The following MAD1L1 variants were observed in gnomAD, a reference collection of about 807,000 sequenced individuals.
MAD1L1 encodes mitotic spindle assembly checkpoint protein MAD1.
MAD1L1 carries 95 observed loss-of-function variants against 96.9 expected under a neutral mutation model. The ratio of observed to expected loss-of-function variants is 0.98; its 90% CI spans 0.83 to 1.16. The LOEUF is 1.16. MAD1L1 is among the 50% of genes most tolerant of loss of function. The pLI, the probability that MAD1L1 is intolerant of heterozygous loss-of-function variation, is 0.00. For missense variants in MAD1L1, 1,007 were observed against 954.4 expected (o/e 1.06, Z -0.73); for synonymous variants, 473 against 396.6 (o/e 1.19, Z -2.29).
chr7:1,879,938 G>T (rs1785593339), intron 18 of MAD1L1, among the ~76,000 whole-genome samples: 1 of 152,130 alleles, frequency 6.6e-6, no homozygotes, highest in Non-Finnish European at 1.5e-5. Context: ...CACTCTGTTA[G>T]CCAGGATGGT....
At chr7:1,875,904 G>C (rs1159744478) in intron 18 of MAD1L1, among the ~76,000 whole-genome samples, 1 of 152,212 alleles carries the variant, frequency 6.6e-6, no homozygotes, top group Non-Finnish European at 1.5e-5. Flanking sequence ...TCCAGCAGGG[G>C]CACCAGAGCT....
intron 18 of MAD1L1, among the ~76,000 whole-genome samples, chr7:1,824,707 C>G (rs1255630614): frequency 6.6e-6 from 1 of 152,198 alleles, no homozygotes; most frequent in African/African-American, 2.4e-5. Context: ...CCCTGTGAAC[C>G]TCGCTTGTAG....
intron 10 of MAD1L1, among the ~76,000 whole-genome samples, chr7:2,188,391 T>A (rs959833538): frequency 1.3e-5 from 2 of 152,184 alleles, no homozygotes; most frequent in African/African-American, 4.8e-5. Context: ...GCCAAAGCAA[T>A]CTTGAAAAGT....
At chr7:1,962,094 T>C (rs778820897) in intron 15 of MAD1L1, among the ~76,000 whole-genome samples, 2 of 152,222 alleles carry the variant, frequency 1.3e-5, no homozygotes, top group Middle Eastern at 6.8e-3. Context: ...TGGGAGATAA[T>C]GAATCATAGG....
chr7:2,039,458 A>C (rs952345511), intron 12 of MAD1L1, among the ~76,000 whole-genome samples: 3 of 152,146 alleles, frequency 2.0e-5, no homozygotes, highest in Non-Finnish European at 4.4e-5. Flanking sequence ...GGGTGGCTGC[A>C]CCCTGTCACT....
At chr7:1,945,527 G>A (rs567445217) in intron 16 of MAD1L1, among the ~76,000 whole-genome samples, 12 of 152,328 alleles carry the variant, frequency 7.9e-5, no homozygotes, top group African/African-American at 2.4e-4. Flanking sequence ...GGTCACAGCC[G>A]CAACCCAGGA....
At chr7:2,029,228 C>T (rs533502750) in intron 12 of MAD1L1, among the ~76,000 whole-genome samples, 11 of 152,292 alleles carry the variant, frequency 7.2e-5, no homozygotes, top group East Asian at 1.9e-4. Context: ...GAAATTCAAA[C>T]GCCCATTCAC....
At chr7:1,817,133 G>C (rs969620173) in intron 18 of MAD1L1, 1 of 152,220 alleles carries the variant, frequency 6.6e-6, no homozygotes, top group African/African-American at 2.4e-5. Flanking sequence ...AACGTGAACC[G>C]CAACTGAGCG....
At chr7:2,180,397 T>C (rs1004765719) in intron 10 of MAD1L1, among the ~76,000 whole-genome samples, 1 of 152,246 alleles carries the variant, frequency 6.6e-6, no homozygotes, top group Non-Finnish European at 1.5e-5. Context: ...ATTCTGAGAC[T>C]GGCCTTTGCT....
chr7:1,908,981 T>C (rs1433262705), intron 17 of MAD1L1, among the ~76,000 whole-genome samples: 4 of 152,196 alleles, frequency 2.6e-5, no homozygotes, highest in Admixed American at 6.5e-5. Context: ...GCTGCCAGCA[T>C]TGGCATCTCC....
chr7:1,822,797 A>G (rs117245399), intron 18 of MAD1L1, among the ~76,000 whole-genome samples: 2 of 151,992 alleles, frequency 1.3e-5, no homozygotes, highest in Non-Finnish European at 2.9e-5. Context: ...CAATTCCAAA[A>G]AAGAAGAGTA....
rs59741964 is a variant in MAD1L1 at position 2,139,394 on chromosome 7, C to T, written c.1073+9758G>A. ...AGCGCTGCGGGCCCCAGGACGCACA[C>T]TGAGATGCCCCCCACCCTCAGCAGT... On this transcript the variant is annotated intron_variant, in intron 11 of 18. Transcript: ENST00000265854. 3.2e-3 allele frequency among the ~76,000 whole-genome samples: 491 copies of T among 152,224 alleles called. 3 individuals are homozygous for T. Among genetic ancestry groups the T allele is most frequent in the African/African-American group, 0.011 (450 of 41,546 alleles).
chr7:1,942,798 G>A (rs1357141459), intron 16 of MAD1L1, among the ~76,000 whole-genome samples: 2 of 151,996 alleles, frequency 1.3e-5, no homozygotes, highest in African/African-American at 2.4e-5. Flanking sequence ...AAACTCACAC[G>A]GAACTGCAGG....
chr7:1,977,648 A>AT (rs1780708442), intron 15 of MAD1L1, among the ~76,000 whole-genome samples: 1 of 152,230 alleles, frequency 6.6e-6, no homozygotes, highest in South Asian at 2.1e-4. Flanking sequence ...TATCAATGAT[A>AT]AAGGCCTTTT....
At chr7:2,232,205 T>G (rs974258420) in intron 1 of MAD1L1, among the ~76,000 whole-genome samples, 1 of 152,236 alleles carries the variant, frequency 6.6e-6, no homozygotes. Flanking sequence ...GTAGAACTTC[T>G]GCAGCTGCAC....
At chr7:2,220,315 G>C (rs555639298) in intron 5 of MAD1L1, among the ~76,000 whole-genome samples, 2 of 152,292 alleles carry the variant, frequency 1.3e-5, no homozygotes, top group Non-Finnish European at 2.9e-5. Flanking sequence ...TGACATCATG[G>C]AACCCGCACG....
chr7:1,816,503 C>CGA (rs558219867), intron 18 of MAD1L1, among the ~76,000 whole-genome samples: 46 of 152,276 alleles, frequency 3.0e-4, no homozygotes, highest in African/African-American at 1.1e-3. Context: ...CAAGGGGCTG[C>CGA]CACCTTGCTC....
At chr7:2,125,689 C>T (rs1788200349) in intron 11 of MAD1L1, among the ~76,000 whole-genome samples, 1 of 152,188 alleles carries the variant, frequency 6.6e-6, no homozygotes. Context: ...GAGGCAGGCG[C>T]CCAGACACCA....
intron 10 of MAD1L1, among the ~76,000 whole-genome samples, chr7:2,167,535 C>T (rs1790496147): frequency 6.6e-6 from 1 of 151,580 alleles, no homozygotes; most frequent in Non-Finnish European, 1.5e-5. Flanking sequence ...GGCAACAGAG[C>T]GAGACTCCGT....
Sources: allele counts gnomAD v4.1 joint callset (sites outside exome capture counted in the v4.1 genomes callset), GRCh38; gene constraint gnomAD v4.1.1; transcripts MANE v1.5; gene names NCBI Gene and HGNC (gene_info 2026-07-23, HGNC 2026-07-21).